CDH18: variants seen among roughly 807,000 people sequenced by gnomAD.
The protein encoded by CDH18 is cadherin-18.
CDH18 carries 31 observed loss-of-function variants against 67.9 expected under a neutral mutation model. The observed-to-expected ratio is 0.46, with a 90% confidence interval of 0.34 to 0.62. The LOEUF is 0.62. CDH18 is among the 20% of genes least tolerant of loss of function. The pLI, the probability that CDH18 is intolerant of heterozygous loss-of-function variation, is 0.01. For synonymous variants in CDH18, 362 were observed against 347.2 expected (o/e 1.04, Z -0.48); for missense variants, 890 against 975.5 (o/e 0.91, Z 1.17).
intron 2 of CDH18, among the ~76,000 whole-genome samples, chr5:20,220,786 T>C (rs565878816): frequency 1.3e-5 from 2 of 151,644 alleles, no homozygotes; most frequent in Non-Finnish European, 2.9e-5. Context: ...GGAAAAAAAA[T>C]AATAATCCAA....
chr5:20,304,940 T>C (rs1736288959), intron 1 of CDH18: 9 of 1,613,704 alleles, frequency 5.6e-6, no homozygotes, highest in Middle Eastern at 1.7e-4. Context: ...TGCTTCACTA[T>C]CCAATCCCGC....
chr5:20,304,490 G>A (rs745779664), intron 1 of CDH18: 2 of 1,589,632 alleles, frequency 1.3e-6, no homozygotes, highest in Non-Finnish European at 1.7e-6. Context: ...GCCCTCCAAT[G>A]GTTTAGTGCG....
intron 2 of CDH18, among the ~76,000 whole-genome samples, chr5:20,026,010 G>T (rs1174805137): frequency 6.6e-6 from 1 of 152,068 alleles, no homozygotes; most frequent in Admixed American, 6.5e-5. Flanking sequence ...ATACAAAATT[G>T]TCAAAATATG....
At chr5:19,514,423 C>T (rs143563897) in intron 10 of CDH18, among the ~76,000 whole-genome samples, 154 of 152,196 alleles carry the variant, frequency 1.0e-3, no homozygotes, top group South Asian at 1.7e-3. Context: ...ATCTCCACAC[C>T]GTCTTCCACA....
At chr5:19,848,105 C>T (rs1783206544) in intron 2 of CDH18, 1 of 152,206 alleles carries the variant, frequency 6.6e-6, no homozygotes, top group South Asian at 2.1e-4. Context: ...GTATCAGCCT[C>T]TGTCTTCTGT....
chr5:20,538,928 G>A (rs1401228211), intron 1 of CDH18, among the ~76,000 whole-genome samples: 13 of 33,860 alleles, frequency 3.8e-4, no homozygotes, highest in African/African-American at 7.5e-4. Context: ...TTTTTTTGTC[G>A]CCCAGGCTGG....
At chr5:19,871,199 C>T (rs976019987) in intron 2 of CDH18, among the ~76,000 whole-genome samples, 1 of 152,056 alleles carries the variant, frequency 6.6e-6, no homozygotes, top group African/African-American at 2.4e-5. Context: ...TAAAAAAATT[C>T]ACTAATAGAA....
chr5:19,784,976 C>T (rs1251875663), intron 3 of CDH18, among the ~76,000 whole-genome samples: 3 of 152,024 alleles, frequency 2.0e-5, no homozygotes, highest in Non-Finnish European at 4.4e-5. Flanking sequence ...TCTTAGAATC[C>T]ACCAATGACC....
intron 2 of CDH18, among the ~76,000 whole-genome samples, chr5:19,858,912 G>T (rs1784569216): frequency 6.6e-6 from 1 of 151,898 alleles, no homozygotes; most frequent in Admixed American, 6.6e-5. Context: ...TACAACTAGG[G>T]TTGCCTGATA....
At chr5:19,945,620 T>A (rs1315010687) in intron 2 of CDH18, among the ~76,000 whole-genome samples, 1 of 152,144 alleles carries the variant, frequency 6.6e-6, no homozygotes, top group East Asian at 1.9e-4. Flanking sequence ...CAATCCATTA[T>A]AAATTCTCAG....
intron 1 of CDH18, among the ~76,000 whole-genome samples, chr5:20,337,518 G>A (rs951197343): frequency 1.6e-4 from 25 of 152,104 alleles, no homozygotes; most frequent in Non-Finnish European, 3.5e-4. Context: ...AATGACACCA[G>A]TCTCTTTGCT....
intron 1 of CDH18, among the ~76,000 whole-genome samples, chr5:20,445,715 A>G (rs1749946850): frequency 6.6e-6 from 1 of 152,220 alleles, no homozygotes. Flanking sequence ...AGCAGACTCA[A>G]CTTGTTACTG....
chr5:20,324,217 T>C (rs1365422384), intron 1 of CDH18, among the ~76,000 whole-genome samples: 2 of 152,196 alleles, frequency 1.3e-5, no homozygotes, highest in Non-Finnish European at 2.9e-5. Context: ...AGACTCTAAT[T>C]ATCTCTGAAA....
chr5:20,352,624 C>CAAAAAAAAAAAAAA (rs35947411), intron 1 of CDH18, among the ~76,000 whole-genome samples: 1 of 89,134 alleles, frequency 1.1e-5, no homozygotes, highest in African/African-American at 3.8e-5. Flanking sequence ...ACTAAAAATA[C>CAAAAAAAAAAAAAA]AAAAAAAAAA....
chr5:19,903,541 GTATATA>G (rs112818883), intron 2 of CDH18, among the ~76,000 whole-genome samples: 67,428 of 124,696 alleles, frequency 0.54, 17,822 homozygotes, highest in Middle Eastern at 0.69. Context: ...GTGTGTGTGT[GTATATA>G]TATATATATA....
chr5:20,036,947 T>A (rs1318411350), intron 2 of CDH18, among the ~76,000 whole-genome samples: 2 of 152,072 alleles, frequency 1.3e-5, no homozygotes, highest in Non-Finnish European at 2.9e-5. Flanking sequence ...CCTGCTTTTT[T>A]TTTGCTTTCC....
intron 7 of CDH18, among the ~76,000 whole-genome samples, chr5:19,586,287 C>T (rs1181528815): frequency 6.6e-6 from 1 of 151,948 alleles, no homozygotes; most frequent in Non-Finnish European, 1.5e-5. Flanking sequence ...TGGTGGTCTG[C>T]CGCACAGATT....
At chr5:20,270,846 T>G (rs1172887254) in intron 1 of CDH18, among the ~76,000 whole-genome samples, 1 of 151,922 alleles carries the variant, frequency 6.6e-6, no homozygotes, top group Admixed American at 6.6e-5. Context: ...ATGAATGGAG[T>G]TGGAGGCCAT....
At chr5:19,550,261 T>TTTA (rs918208026) in intron 8 of CDH18, among the ~76,000 whole-genome samples, 5 of 151,760 alleles carry the variant, frequency 3.3e-5, no homozygotes, top group Admixed American at 1.3e-4. Flanking sequence ...GTAAACTCTT[T>TTTA]TTATTATTAT....
Sources: allele counts gnomAD v4.1 joint callset (sites outside exome capture counted in the v4.1 genomes callset), GRCh38; gene constraint gnomAD v4.1.1; transcripts MANE v1.5; gene names NCBI Gene and HGNC (gene_info 2026-07-23, HGNC 2026-07-21).